TENM3: variants seen among roughly 807,000 people sequenced by gnomAD.
The protein encoded by TENM3 is teneurin transmembrane protein 3.
TENM3 carries 63 observed loss-of-function variants against 255.1 expected under a neutral mutation model. That is an observed-to-expected ratio of 0.25 (90% CI 0.20 to 0.30). The LOEUF (loss-of-function observed/expected upper bound fraction) is 0.30. Among genes scored for constraint, TENM3 ranks in the 10% least tolerant of loss-of-function variants. The pLI is 1.00. For missense variants in TENM3, 2,929 were observed against 3,461.1 expected, an observed-to-expected ratio of 0.85 and a Z score of 3.86; for synonymous variants, 1,306 against 1,322.3, an observed-to-expected ratio of 0.99 and a Z score of 0.27.
At chr4:181,791,170 C>A in the TENM3 span, among the ~76,000 whole-genome samples, 1 of 152,130 alleles carries the variant, frequency 6.6e-6, no homozygotes, top group Non-Finnish European at 1.5e-5. Context: ...CCGGACCAGG[C>A]GATGTCTTCA....
chr4:181,556,944 AATATT>A, the TENM3 span, among the ~76,000 whole-genome samples: 1 of 152,162 alleles, frequency 6.6e-6, no homozygotes, highest in Non-Finnish European at 1.5e-5. Context: ...GATTTCATAT[AATATT>A]ATCTCTTTCC....
At chr4:182,601,525 A>G (rs946544082) in intron 4 of TENM3, among the ~76,000 whole-genome samples, 2 of 152,192 alleles carry the variant, frequency 1.3e-5, no homozygotes, top group African/African-American at 2.4e-5. Flanking sequence ...CATGTCTGGC[A>G]TCTTCTTGGT....
At chr4:182,786,556 T>TA (rs79660444) in intron 24 of TENM3, among the ~76,000 whole-genome samples, 4,190 of 71,054 alleles carry the variant, frequency 0.059, 190 homozygotes, top group African/African-American at 0.24. Flanking sequence ...GACCCCGTCT[T>TA]AAAAAAAAAA....
chr4:182,117,634 C>T, the TENM3 span, among the ~76,000 whole-genome samples: 1 of 152,180 alleles, frequency 6.6e-6, no homozygotes, highest in Admixed American at 6.5e-5. Context: ...TCTAGACTTT[C>T]TATTCTGTTC....
the TENM3 span, among the ~76,000 whole-genome samples, chr4:181,998,935 T>A: frequency 1.3e-5 from 2 of 152,116 alleles, no homozygotes; most frequent in African/African-American, 4.8e-5. Flanking sequence ...GAACTCCGGT[T>A]TTTTCAGATG....
intron 3 of TENM3, among the ~76,000 whole-genome samples, chr4:182,418,655 G>A (rs1034117950): frequency 2.0e-5 from 3 of 152,136 alleles, no homozygotes; most frequent in Admixed American, 6.5e-5. Flanking sequence ...CGACCTCCCC[G>A]TGCTCATGTG....
chr4:182,375,576 C>T (rs1354099834), intron 3 of TENM3, among the ~76,000 whole-genome samples: 2 of 152,096 alleles, frequency 1.3e-5, no homozygotes, highest in Non-Finnish European at 2.9e-5. Context: ...GAGTCTTACT[C>T]TGTTGCTCAG....
In TENM3 at chr4:182,714,112, C is replaced by T. The variant is rs189848773; in HGVS notation, c.2247C>T (p.Ser749=). 17 of 1,613,828 alleles carry T rather than the reference C, an allele frequency of 1.1e-5. No individual in the cohort carries two copies. The Middle Eastern group carries it at 4.9e-4, about 47-fold the overall frequency. The change falls in exon 13 of 28, where the codon AGC becomes AGT. Residue 749 remains serine (S), a synonymous_variant. Coordinates refer to ENST00000511685, the MANE Select transcript of TENM3 (RefSeq NM_001080477.4). ...TIEGCPGLCN[S]NGRCTLDQNG... ...AGGGTTGTCCTGGTCTGTGCAACAGCAATGGAAGATGTACCCTGGACCAAA... is the reference window on the plus strand; with the variant it reads ...AGGGTTGTCCTGGTCTGTGCAACAGTAATGGAAGATGTACCCTGGACCAAA...
chr4:182,489,245 C>T (rs1429606875), intron 3 of TENM3, among the ~76,000 whole-genome samples: 1 of 142,290 alleles, frequency 7.0e-6, no homozygotes, highest in Non-Finnish European at 1.6e-5. Context: ...ATAATGTGCT[C>T]TAATAAAGGG....
chr4:181,760,916 T>C, the TENM3 span, among the ~76,000 whole-genome samples: 1 of 151,254 alleles, frequency 6.6e-6, no homozygotes, highest in Non-Finnish European at 1.5e-5. Context: ...CCCATGAGGA[T>C]TATTTATGCT....
At chr4:182,743,462 T>C in intron 19 of TENM3, 43 bp downstream of exon 19, 1 of 1,595,030 alleles carries the variant, frequency 6.3e-7, no homozygotes, top group Non-Finnish European at 8.6e-7. Flanking sequence ...AAGCTAAACG[T>C]GCCTCTTTAA....
At chr4:182,301,560 G>GA (rs951414378) in intron 1 of TENM3, among the ~76,000 whole-genome samples, 7 of 152,132 alleles carry the variant, frequency 4.6e-5, no homozygotes, top group Non-Finnish European at 1.0e-4. Flanking sequence ...TCAGTTAAAT[G>GA]AAAAAGAAAT....
the TENM3 span, among the ~76,000 whole-genome samples, chr4:181,686,357 G>A: frequency 2.0e-5 from 3 of 152,174 alleles, no homozygotes; most frequent in Non-Finnish European, 4.4e-5. Flanking sequence ...CGTGATGTAA[G>A]CAGTGCCACT....
chr4:181,853,262 TAG>T, the TENM3 span, among the ~76,000 whole-genome samples: 1 of 152,214 alleles, frequency 6.6e-6, no homozygotes, highest in Non-Finnish European at 1.5e-5. Context: ...ACTGGATACA[TAG>T]AGTTTTAAAA....
chr4:181,891,898 C>T, the TENM3 span, among the ~76,000 whole-genome samples: 1 of 152,058 alleles, frequency 6.6e-6, no homozygotes, highest in Non-Finnish European at 1.5e-5. Flanking sequence ...GTGATTTAGC[C>T]ATTAAGCCAT....
chr4:181,750,537 G>C, the TENM3 span, among the ~76,000 whole-genome samples: 1 of 152,140 alleles, frequency 6.6e-6, no homozygotes, highest in East Asian at 1.9e-4. Flanking sequence ...CATCTCCACA[G>C]GATTTTATTC....
chr4:182,562,079 G>A (rs1560926941), intron 3 of TENM3, among the ~76,000 whole-genome samples: 1 of 151,934 alleles, frequency 6.6e-6, no homozygotes, highest in Non-Finnish European at 1.5e-5. Flanking sequence ...TTGTGGAGTA[G>A]ATAAAGCAAT....
chr4:181,927,084 G>A, the TENM3 span, among the ~76,000 whole-genome samples: 1 of 152,198 alleles, frequency 6.6e-6, no homozygotes. Flanking sequence ...AAACCAGGCA[G>A]CTGTTTGGGC....
intron 2 of TENM3, among the ~76,000 whole-genome samples, chr4:182,333,376 C>T (rs1054520873): frequency 6.6e-6 from 1 of 152,060 alleles, no homozygotes; most frequent in Non-Finnish European, 1.5e-5. Flanking sequence ...ATATGCTAGA[C>T]CAAATTAATA....
Sources: gnomAD v4.1 joint callset for allele counts (sites outside exome capture counted in the v4.1 genomes callset) on GRCh38, gnomAD v4.1.1 for gene constraint, MANE v1.5 for transcripts, NCBI Gene and HGNC (gene_info 2026-07-23, HGNC 2026-07-21) for gene names.